Variants in TMEM117 observed in about 807,000 individuals in gnomAD.
TMEM117 encodes transmembrane protein 117.
A neutral mutation model predicts 52.4 loss-of-function variants in TMEM117; 27 were observed. The observed-to-expected ratio is 0.51, with a 90% confidence interval of 0.38 to 0.71. The LOEUF (loss-of-function observed/expected upper bound fraction) is 0.71. Among genes scored for constraint, TMEM117 ranks in the 30% least tolerant of loss-of-function variants. The pLI, the probability that TMEM117 is intolerant of heterozygous loss-of-function variation, is 0.00. For missense variants in TMEM117, 556 were observed against 630.5 expected, an observed-to-expected ratio of 0.88 and a Z score of 1.26; for synonymous variants, 215 against 206.3, an observed-to-expected ratio of 1.04 and a Z score of -0.36.
chr12:44,362,733 C>A (rs1170993748), intron 6 of TMEM117, among the ~76,000 whole-genome samples: 1 of 151,844 alleles, frequency 6.6e-6, no homozygotes, highest in African/African-American at 2.4e-5. Context: ...GTGACAAGGA[C>A]TAAACCAGAA....
At chr12:43,925,228 TG>T (rs1167669762) in intron 2 of TMEM117, among the ~76,000 whole-genome samples, 2 of 151,890 alleles carry the variant, frequency 1.3e-5, no homozygotes, top group African/African-American at 4.8e-5. Flanking sequence ...TCAGTGTGTG[TG>T]GGGGTGTCTA....
intron 3 of TMEM117, among the ~76,000 whole-genome samples, chr12:44,110,321 A>C (rs1948037066): frequency 6.9e-6 from 1 of 144,174 alleles, no homozygotes; most frequent in Non-Finnish European, 1.5e-5. Flanking sequence ...TTGCCCATTC[A>C]GTATGATATT....
chr12:43,876,179 C>T lies in TMEM117; in HGVS notation c.277+31251C>T, dbSNP rs190621535. ...TCCTTTCCTTTCCGGTTATTGTTCA[C>T]CTTGCATTTATGATGAAGAACAACA... On this transcript the variant is annotated intron_variant, in intron 2 of 7. Coordinates refer to ENST00000266534, the MANE Select transcript of TMEM117 (RefSeq NM_032256.3). 1.0e-3 allele frequency among the ~76,000 whole-genome samples: 156 copies of T among 152,218 alleles called. 3 individuals carry two copies. Among genetic ancestry groups the T allele is most frequent in the Admixed American group, 0.01 (156 of 15,292 alleles).
intron 3 of TMEM117, among the ~76,000 whole-genome samples, chr12:44,115,370 A>G (rs1948122359): frequency 1.3e-5 from 2 of 152,186 alleles, no homozygotes; most frequent in African/African-American, 4.8e-5. Flanking sequence ...TGTCGACTTA[A>G]TGGGTGCAGC....
At chr12:44,126,281 C>T (rs1469816861) in intron 3 of TMEM117, among the ~76,000 whole-genome samples, 1 of 152,160 alleles carries the variant, frequency 6.6e-6, no homozygotes, top group African/African-American at 2.4e-5. Flanking sequence ...GTTTCTCTAA[C>T]CCCTCCATTG....
intron 2 of TMEM117, among the ~76,000 whole-genome samples, chr12:43,882,974 A>C (rs1943924330): frequency 6.6e-6 from 1 of 152,206 alleles, no homozygotes; most frequent in South Asian, 2.1e-4. Flanking sequence ...TAAGGTTGAG[A>C]CAATATAATA....
At chr12:44,147,116 G>T (rs1948653962) in intron 4 of TMEM117, among the ~76,000 whole-genome samples, 1 of 152,112 alleles carries the variant, frequency 6.6e-6, no homozygotes, top group Non-Finnish European at 1.5e-5. Context: ...TTGTCAAATA[G>T]GTTTTTAAAA....
At position 44,064,923 on chromosome 12, in the gene TMEM117, CTA is replaced by C. The variant is rs1349273199; in HGVS notation, c.411-78600_411-78599del. On this transcript the variant is annotated intron_variant, in intron 3 of 7. Coordinates refer to ENST00000266534, the MANE Select transcript of TMEM117 (RefSeq NM_032256.3). The stretch of plus-strand genomic sequence containing the variant: ...ACCACATACAAAAAAGGGGGGGTAA[CTA>C]TGTGTGATGATAGGTTTTATTTGCT... Among the ~76,000 whole-genome samples, 4 of 152,174 alleles carry C rather than the reference CTA, an allele frequency of 2.6e-5. No homozygotes were observed. In the East Asian group the frequency reaches 7.7e-4, roughly 29 times the overall value.
chr12:44,355,088 T>C (rs1456882832), intron 6 of TMEM117, among the ~76,000 whole-genome samples: 1 of 152,062 alleles, frequency 6.6e-6, no homozygotes, highest in African/African-American at 2.4e-5. Flanking sequence ...TTATTATTAT[T>C]TCCAAAGGCT....
At chr12:43,858,188 T>C (rs1943431685) in intron 2 of TMEM117, among the ~76,000 whole-genome samples, 1 of 152,162 alleles carries the variant, frequency 6.6e-6, no homozygotes, top group South Asian at 2.1e-4. Context: ...TAAATAGAAA[T>C]GTACAGGGTT....
intron 3 of TMEM117, among the ~76,000 whole-genome samples, chr12:44,068,998 G>A (rs946733588): frequency 2.0e-5 from 3 of 152,158 alleles, no homozygotes; most frequent in African/African-American, 7.2e-5. Context: ...TTACCAAGGA[G>A]TTTGAGCCCA....
At chr12:44,123,107 C>G (rs930052684) in intron 3 of TMEM117, among the ~76,000 whole-genome samples, 2 of 152,146 alleles carry the variant, frequency 1.3e-5, no homozygotes, top group African/African-American at 2.4e-5. Context: ...GCCATTCTAA[C>G]TGGCATGAGA....
At chr12:44,347,023 A>G (rs896870763) in intron 6 of TMEM117, among the ~76,000 whole-genome samples, 1 of 152,044 alleles carries the variant, frequency 6.6e-6, no homozygotes, top group Non-Finnish European at 1.5e-5. Flanking sequence ...ACAACTGAAT[A>G]TAATTCATTT....
At chr12:44,255,299 A>C (rs2138524053) in intron 5 of TMEM117, among the ~76,000 whole-genome samples, 1 of 152,162 alleles carries the variant, frequency 6.6e-6, no homozygotes, top group South Asian at 2.1e-4. Context: ...AAAACAAACA[A>C]CCCCATCAAA....
At chr12:43,831,827 GCCA>G (rs1942984398), upstream of TMEM117, among the ~76,000 whole-genome samples, 1 of 152,116 alleles carries the variant, frequency 6.6e-6, no homozygotes, top group Non-Finnish European at 1.5e-5. Flanking sequence ...ACAGGAGTGA[GCCA>G]CCGTGCCCGG....
chr12:44,310,897 C>G (rs545153948), intron 6 of TMEM117, among the ~76,000 whole-genome samples: 1 of 152,050 alleles, frequency 6.6e-6, no homozygotes, highest in Non-Finnish European at 1.5e-5. Flanking sequence ...CCTGGAAATA[C>G]GAGTTTAAAA....
chr12:43,978,771 C>T (rs1229598582), intron 3 of TMEM117, among the ~76,000 whole-genome samples: 1 of 152,064 alleles, frequency 6.6e-6, no homozygotes, highest in East Asian at 1.9e-4. Flanking sequence ...CAACTGATTG[C>T]ATCATCTGTG....
intron 4 of TMEM117, among the ~76,000 whole-genome samples, chr12:44,156,327 T>C (rs1331741111): frequency 6.6e-6 from 1 of 152,118 alleles, no homozygotes; most frequent in African/African-American, 2.4e-5. Flanking sequence ...CATTAAGCTG[T>C]CAATATTTGT....
intron 4 of TMEM117, among the ~76,000 whole-genome samples, chr12:44,210,384 T>C (rs1473976978): frequency 6.6e-6 from 1 of 152,200 alleles, no homozygotes; most frequent in Non-Finnish European, 1.5e-5. Context: ...GGGCTTCTGC[T>C]GAAACCATTA....
Sources: gnomAD v4.1 joint callset for allele counts (sites outside exome capture counted in the v4.1 genomes callset) on GRCh38, gnomAD v4.1.1 for gene constraint, MANE v1.5 for transcripts, NCBI Gene and HGNC (gene_info 2026-07-23, HGNC 2026-07-21) for gene names.